Variants in GRK3 observed in about 807,000 individuals in gnomAD.
GRK3 encodes the protein adrenergic, beta, receptor kinase 2.
Under a neutral mutation model 95.7 loss-of-function variants are expected in GRK3, and 54 were observed. The observed-to-expected ratio is 0.56, with a 90% CI of 0.45 to 0.71. The LOEUF is 0.71. Ranked by LOEUF, GRK3 falls within the 30% of genes least tolerant of loss-of-function variation. The pLI is 0.00. For missense variants in GRK3, 649 were observed against 851.2 expected (o/e 0.76, Z 2.96); for synonymous variants, 281 against 290.8 (o/e 0.97, Z 0.34).
chr22:25,695,259 G>A lies in GRK3; in HGVS notation c.1160+45G>A, dbSNP rs185255608. 3,527 of 1,337,070 alleles carry A rather than the reference G, an allele frequency of 2.6e-3. 62 individuals carry two copies. The highest frequency in any genetic ancestry group is 0.026 in the South Asian group (2,120 of 82,766). 82.8% of individuals were successfully genotyped at this position (1,337,070 alleles called of 1,614,324 possible). On this transcript the variant is annotated intron_variant, in intron 13 of 20. Transcript: ENST00000324198. Reference sequence around the variant, plus strand: ...TCTAGTGCTGTCCTCATGGCAGCAGGAGCTTGGATGAAAACTGAGAATATG... The same window carrying A: ...TCTAGTGCTGTCCTCATGGCAGCAGAAGCTTGGATGAAAACTGAGAATATG...
intron 2 of GRK3, among the ~76,000 whole-genome samples, chr22:25,627,298 T>C (rs2084634826): frequency 6.6e-6 from 1 of 152,226 alleles, no homozygotes; most frequent in South Asian, 2.1e-4. Context: ...ATTATATAAC[T>C]GATAAATATT....
rs1384247115 is a variant in GRK3 at position 25,695,123 on chromosome 22, A to G, written c.1069A>G (p.Met357Val). 21 of 1,613,958 alleles carry G rather than the reference A, an allele frequency of 1.3e-5. No individual in the cohort carries two copies. Among genetic ancestry groups the G allele is most frequent in the Non-Finnish European group, 1.8e-5 (21 of 1,179,896 alleles). The change falls in exon 13 of 21, where the codon ATG (methionine) becomes GTG (valine). Residue 357 changes from methionine to valine, a missense_variant. By Grantham distance (21) the Met-to-Val change is conservative. Coordinates refer to ENST00000324198, the MANE Select transcript of GRK3 (RefSeq NM_005160.4). The part of the protein sequence containing the change: ...PHASVGTHGY[M>V]APEVLQKGTA... Reference sequence around the variant, plus strand: ...TCTCCCTAGTGGCACCCATGGGTACATGGCTCCCGAGGTGCTGCAGAAGGG... The same window carrying G: ...TCTCCCTAGTGGCACCCATGGGTACGTGGCTCCCGAGGTGCTGCAGAAGGG...
intron 3 of GRK3, among the ~76,000 whole-genome samples, chr22:25,652,736 A>G: frequency 6.6e-6 from 1 of 152,236 alleles, no homozygotes; most frequent in East Asian, 1.9e-4. Context: ...AAGACCACGT[A>G]TATGACAGTG....
chr22:25,722,208 CT>C, intron 20 of GRK3, 80 bp from the exon 21 acceptor site: 1 of 1,526,778 alleles, frequency 6.5e-7, no homozygotes, highest in Non-Finnish European at 9.0e-7. Flanking sequence ...TCCAGGGACG[CT>C]GGTAATCAAT....
At chr22:25,568,238 A>C (rs1910507192) in intron 1 of GRK3, among the ~76,000 whole-genome samples, 1 of 152,214 alleles carries the variant, frequency 6.6e-6, no homozygotes, top group Non-Finnish European at 1.5e-5. Context: ...GCAAAGGCCC[A>C]CAAAGGGTCA....
intron 1 of GRK3, among the ~76,000 whole-genome samples, chr22:25,591,866 T>C (rs1200845827): frequency 1.3e-5 from 2 of 152,208 alleles, no homozygotes; most frequent in Non-Finnish European, 2.9e-5. Context: ...TATAGTGATA[T>C]GCATATTTAC....
At chr22:25,612,172 G>T (rs1156371223) in intron 2 of GRK3, among the ~76,000 whole-genome samples, 1 of 152,016 alleles carries the variant, frequency 6.6e-6, no homozygotes, top group Non-Finnish European at 1.5e-5. Context: ...TAACAAATTT[G>T]CAAAGGTTTT....
rs12157886 is a variant in GRK3, at chr22:25,727,336, A to C, written c.*4886A>C. 4.0e-4 allele frequency: 61 copies of C among 152,280 alleles called. No homozygotes were observed. The highest frequency in any genetic ancestry group is 1.4e-3 in the African/African-American group (60 of 41,548). The allele number at this position is 152,280 out of a possible 1,614,324, so 9.4% of individuals were successfully genotyped here. A position where few individuals can be genotyped will look rare whatever the true frequency, so the allele number is the denominator to read the frequency against. ...TTTATTATGAAACAAATGAAATTTG[A>C]ACTCTAAAATGGTACTCCTTGGCTT... On this transcript the variant is annotated 3_prime_UTR_variant, in exon 21 of 21. Coordinates refer to ENST00000324198, the MANE Select transcript of GRK3 (RefSeq NM_005160.4).
chr22:25,599,140 A>T (rs1325212909), intron 1 of GRK3, among the ~76,000 whole-genome samples: 1 of 152,190 alleles, frequency 6.6e-6, no homozygotes. Context: ...CATAAGAAAA[A>T]GTTTTTGTGA....
At position 25,723,763 on chromosome 22, in the gene GRK3, G is replaced by A. The variant is rs2085453002; in HGVS notation, c.*1313G>A. 6.6e-6 allele frequency: 1 copy of A among 152,150 alleles called. No individual in the cohort carries two copies. Among genetic ancestry groups the A allele is most frequent in the South Asian group, 2.1e-4 (1 of 4,822 alleles). 9.4% of individuals were successfully genotyped at this position (152,150 alleles called of 1,614,324 possible). Reference sequence around the variant, plus strand: ...TATGTCTTTACATTAACTACTAACAGTATAAATAACTTGACATCGTAATTG... The same window carrying A: ...TATGTCTTTACATTAACTACTAACAATATAAATAACTTGACATCGTAATTG... On this transcript the variant is annotated 3_prime_UTR_variant, in exon 21 of 21. Coordinates refer to ENST00000324198, the MANE Select transcript of GRK3 (RefSeq NM_005160.4).
rs559760379 is a variant in GRK3, at chr22:25,641,340, G to A, written c.191-3252G>A. ...GTCCTCTTCCTTCCTCCTTTCCCCC[G>A]ACTTCCCTCCCTCTCCTTGTACCTT... On this transcript the variant is annotated intron_variant, in intron 2 of 20. Transcript: ENST00000324198. 4.6e-5 allele frequency among the ~76,000 whole-genome samples: 7 copies of A among 151,558 alleles called. No homozygotes were observed. In the South Asian group the frequency reaches 6.3e-4, roughly 14 times the overall value.
intron 9 of GRK3, 87 bp from the exon 10 acceptor site, chr22:25,685,083 T>C (rs28704818): frequency 3.5e-6 from 3 of 847,606 alleles, no homozygotes; most frequent in African/African-American, 3.4e-5. Flanking sequence ...AAAGTAATTT[T>C]AAAAATATGT....
intron 1 of GRK3, among the ~76,000 whole-genome samples, chr22:25,590,871 A>G (rs1932466939): frequency 6.6e-6 from 1 of 152,208 alleles, no homozygotes; most frequent in Non-Finnish European, 1.5e-5. Flanking sequence ...AAGATAAACA[A>G]CATATTACAA....
intron 3 of GRK3, chr22:25,648,888 A>G: frequency 2.2e-6 from 2 of 904,098 alleles, no homozygotes; most frequent in South Asian, 2.6e-5. Flanking sequence ...ATACACATCA[A>G]GACAAGGTGC....
At chr22:25,617,320 T>C (rs576997625) in intron 2 of GRK3, among the ~76,000 whole-genome samples, 2 of 152,340 alleles carry the variant, frequency 1.3e-5, no homozygotes, top group African/African-American at 2.4e-5. Flanking sequence ...GAGTTCCGAA[T>C]TGGTGACAGA....
intron 1 of GRK3, among the ~76,000 whole-genome samples, chr22:25,579,210 A>G (rs1371072108): frequency 6.7e-6 from 1 of 148,640 alleles, no homozygotes; most frequent in Non-Finnish European, 1.5e-5. Context: ...AGGCTGGAGT[A>G]CAGTAGTGGT....
chr22:25,715,631 T>G (rs1377153987), intron 18 of GRK3, among the ~76,000 whole-genome samples: 1 of 152,236 alleles, frequency 6.6e-6, no homozygotes, highest in Non-Finnish European at 1.5e-5. Context: ...CTGAATATGG[T>G]TACTCTTGAT....
At chr22:25,581,830 G>A (rs551680864) in intron 1 of GRK3, among the ~76,000 whole-genome samples, 1 of 151,458 alleles carries the variant, frequency 6.6e-6, no homozygotes, top group East Asian at 1.9e-4. Flanking sequence ...AGTAACCCAT[G>A]CTCTTTAAGA....
intron 1 of GRK3, among the ~76,000 whole-genome samples, chr22:25,594,005 G>A (rs1448954281): frequency 2.0e-5 from 3 of 152,104 alleles, no homozygotes; most frequent in Non-Finnish European, 4.4e-5. Context: ...GGTTACTGTA[G>A]CCTTATGGTA....
Sources: allele counts gnomAD v4.1 joint callset (sites outside exome capture counted in the v4.1 genomes callset), GRCh38; gene constraint gnomAD v4.1.1; transcripts MANE v1.5; gene names NCBI Gene and HGNC (gene_info 2026-07-23, HGNC 2026-07-21).